Variants in POU2F1 observed in about 807,000 individuals in gnomAD.
POU2F1 encodes POU domain, class 2, transcription factor 1.
POU2F1 carries 16 observed loss-of-function variants against 84.9 expected under a neutral mutation model. That is an observed-to-expected ratio of 0.19 (90% CI 0.13 to 0.29). The LOEUF is 0.29. Among genes scored for constraint, POU2F1 ranks in the 10% least tolerant of loss-of-function variants. The pLI, the probability that POU2F1 is intolerant of heterozygous loss-of-function variation, is 1.00. For missense variants in POU2F1, 738 were observed against 942.6 expected, an observed-to-expected ratio of 0.78 and a Z score of 2.84; for synonymous variants, 368 against 368.3, an observed-to-expected ratio of 1.00 and a Z score of 0.01.
At chr1:167,324,566 C>G (rs1266235314) in intron 1 of POU2F1, among the ~76,000 whole-genome samples, 1 of 152,166 alleles carries the variant, frequency 6.6e-6, no homozygotes, top group African/African-American at 2.4e-5. Flanking sequence ...AGCCAACCAA[C>G]TACTGATCTC....
intron 1 of POU2F1, among the ~76,000 whole-genome samples, chr1:167,233,643 T>C (rs2102347993): frequency 6.6e-6 from 1 of 152,314 alleles, no homozygotes; most frequent in South Asian, 2.1e-4. Context: ...CATAGCATCG[T>C]TAAGTGATGC....
At chr1:167,401,099 A>G (rs1649172188) in intron 12 of POU2F1, among the ~76,000 whole-genome samples, 1 of 152,168 alleles carries the variant, frequency 6.6e-6, no homozygotes, top group African/African-American at 2.4e-5. Flanking sequence ...ACCTAAGGCA[A>G]TACTGCCCCC....
chr1:167,320,072 G>A (rs1656201585), intron 1 of POU2F1, among the ~76,000 whole-genome samples: 2 of 151,534 alleles, frequency 1.3e-5, no homozygotes, highest in South Asian at 2.1e-4. Flanking sequence ...AATGTGAGTT[G>A]ATGTAAATAG....
intron 8 of POU2F1, among the ~76,000 whole-genome samples, chr1:167,386,411 C>G (rs968308667): frequency 5.3e-5 from 8 of 152,276 alleles, no homozygotes; most frequent in African/African-American, 1.9e-4. Flanking sequence ...GTCTTGAACC[C>G]CTGGGCTCAA....
chr1:167,361,667 A>G lies in POU2F1; in HGVS notation c.128-3800A>G, dbSNP rs190047921. Among the ~76,000 whole-genome samples, 3 of 152,212 alleles carry G rather than the reference A, an allele frequency of 2.0e-5. No individual in the cohort carries two copies. The East Asian group carries it at 5.8e-4, about 29-fold the overall frequency. ...GTATCATTGCCAGATTTAGGTATCAAGATGATGCTGCTTTCATAGAAGAAG... is the reference window on the plus strand; with the variant it reads ...GTATCATTGCCAGATTTAGGTATCAGGATGATGCTGCTTTCATAGAAGAAG... On this transcript the variant is annotated intron_variant, in intron 2 of 15. Coordinates refer to ENST00000367866, the MANE Select transcript of POU2F1 (RefSeq NM_002697.4).
chr1:167,289,984 A>T (rs940759203), intron 1 of POU2F1, among the ~76,000 whole-genome samples: 2 of 152,246 alleles, frequency 1.3e-5, no homozygotes, highest in Non-Finnish European at 2.9e-5. Context: ...CAGTATCCAA[A>T]ACTGCAAATT....
intron 1 of POU2F1, among the ~76,000 whole-genome samples, chr1:167,321,107 G>T (rs182533416): frequency 6.6e-6 from 1 of 152,298 alleles, no homozygotes; most frequent in African/African-American, 2.4e-5. Flanking sequence ...ATCGAATTTT[G>T]CAAGTGATCA....
chr1:167,341,759 T>G (rs1259821165), intron 2 of POU2F1, among the ~76,000 whole-genome samples: 1 of 152,206 alleles, frequency 6.6e-6, no homozygotes, highest in South Asian at 2.1e-4. Context: ...TCAGTGATCC[T>G]CTTGGTACCC....
At chr1:167,259,985 T>A (rs898904358) in intron 1 of POU2F1, among the ~76,000 whole-genome samples, 1 of 152,086 alleles carries the variant, frequency 6.6e-6, no homozygotes, top group Non-Finnish European at 1.5e-5. Flanking sequence ...TTCACGCGAT[T>A]CTCCTGCCTC....
chr1:167,270,040 G>A (rs944063073), intron 1 of POU2F1, among the ~76,000 whole-genome samples: 1 of 152,074 alleles, frequency 6.6e-6, no homozygotes, highest in Non-Finnish European at 1.5e-5. Context: ...CTCTCCCTGA[G>A]TTTGTGGGTC....
rs185108270 is a variant in POU2F1, at chr1:167,329,372, A to G, written c.62-3098A>G. On this transcript the variant is annotated intron_variant, in intron 1 of 15. Transcript: ENST00000367866. Reference sequence around the variant, plus strand: ...GGAAATAGAGTGTGTCGGGTTGACTATGCATAAATGCTTAATCGCATATGC... The same window carrying G: ...GGAAATAGAGTGTGTCGGGTTGACTGTGCATAAATGCTTAATCGCATATGC... 1.1e-4 allele frequency: 162 copies of G among 1,506,462 alleles called. No individual in the cohort carries two copies. The African/African-American group carries it at 1.9e-3, about 18-fold the overall frequency. The allele number at this position is 1,506,462 out of a possible 1,614,324, so 93.3% of individuals were successfully genotyped here.
intron 2 of POU2F1, among the ~76,000 whole-genome samples, chr1:167,358,392 T>A (rs1659115404): frequency 6.6e-6 from 1 of 152,008 alleles, no homozygotes; most frequent in Non-Finnish European, 1.5e-5. Flanking sequence ...GGTATCGAGG[T>A]TATGCTGGTC....
intron 1 of POU2F1, among the ~76,000 whole-genome samples, chr1:167,244,988 A>G (rs1253621616): frequency 6.6e-6 from 1 of 152,190 alleles, no homozygotes; most frequent in Non-Finnish European, 1.5e-5. Context: ...AGGAAGTAAC[A>G]CAACTATGAC....
chr1:167,356,552 C>T (rs1185495447), intron 2 of POU2F1, among the ~76,000 whole-genome samples: 2 of 151,970 alleles, frequency 1.3e-5, no homozygotes, highest in Non-Finnish European at 2.9e-5. Flanking sequence ...AATGTGTTAC[C>T]GGTAGAAGGT....
chr1:167,276,612 C>T (rs944302117), intron 1 of POU2F1, among the ~76,000 whole-genome samples: 2 of 152,076 alleles, frequency 1.3e-5, no homozygotes, highest in African/African-American at 4.8e-5. Flanking sequence ...AAACCATTGA[C>T]CCACTCTTTG....
rs903673739 is a variant in POU2F1 at position 167,221,559 on chromosome 1, GGGGGGGCGCTGCCCGCCTT to G, written c.61+610_61+628del. Among the ~76,000 whole-genome samples the G allele has an allele frequency of 2.7e-5, 4 of 149,596 alleles. No homozygotes were observed. The South Asian group carries it at 6.2e-4, about 23-fold the overall frequency. On this transcript the variant is annotated intron_variant, in intron 1 of 15. Coordinates refer to ENST00000367866, the MANE Select transcript of POU2F1 (RefSeq NM_002697.4). ...TCTTCCCCCGGGAGCGGGCCCGGGC[GGGGGGGCGCTGCCCGCCTT>G]GGGGGGCGGCCCTCAGGGCAACCGG... is the stretch of plus-strand genomic sequence containing the variant.
chr1:167,408,091 A>C (rs1557966016), intron 13 of POU2F1, among the ~76,000 whole-genome samples: 1 of 152,236 alleles, frequency 6.6e-6, no homozygotes, highest in African/African-American at 2.4e-5. Context: ...CATTTTACCA[A>C]GGAAGATATA....
Position 167,426,022 on chromosome 1 carries a change from G to A in POU2F1, c.*10212G>A, listed in dbSNP as rs1470690219. Reference sequence around the variant, plus strand: ...TGGATCTTTTTAATCTCAGTTGGTTGGGGGAGGGGGGTACTTGGTTCTTGG... The same window carrying A: ...TGGATCTTTTTAATCTCAGTTGGTTAGGGGAGGGGGGTACTTGGTTCTTGG... On this transcript the variant is annotated 3_prime_UTR_variant, in exon 16 of 16. Coordinates refer to ENST00000367866, the MANE Select transcript of POU2F1 (RefSeq NM_002697.4). The A allele has an allele frequency of 6.8e-6, 1 of 145,988 alleles. No homozygotes were observed. Among genetic ancestry groups the A allele is most frequent in the African/African-American group, 2.5e-5 (1 of 40,158 alleles). 9.0% of individuals were successfully genotyped at this position (145,988 alleles called of 1,614,324 possible).
At chr1:167,324,893 G>A (rs1354143740) in intron 1 of POU2F1, among the ~76,000 whole-genome samples, 1 of 152,098 alleles carries the variant, frequency 6.6e-6, no homozygotes, top group Admixed American at 6.6e-5. Flanking sequence ...TGGGGGGAGG[G>A]GACACTGAGA....
Sources: gnomAD v4.1 joint callset for allele counts (sites outside exome capture counted in the v4.1 genomes callset) on GRCh38, gnomAD v4.1.1 for gene constraint, MANE v1.5 for transcripts, NCBI Gene and HGNC (gene_info 2026-07-23, HGNC 2026-07-21) for gene names.